The following NFKBIZ variants were observed in gnomAD, a reference collection of about 807,000 sequenced individuals.
The protein encoded by NFKBIZ is NFKB inhibitor zeta.
Under a neutral mutation model 76.8 loss-of-function variants are expected in NFKBIZ, and 19 were observed. The ratio of observed to expected loss-of-function variants is 0.25; its 90% CI spans 0.17 to 0.36. The LOEUF (loss-of-function observed/expected upper bound fraction) is 0.36. Among genes scored for constraint, NFKBIZ ranks in the 10% least tolerant of loss-of-function variants. NFKBIZ has a pLI of 1.00. For missense variants in NFKBIZ, 829 were observed against 910.9 expected, an observed-to-expected ratio of 0.91 and a Z score of 1.16; for synonymous variants, 368 against 354.8, an observed-to-expected ratio of 1.04 and a Z score of -0.42.
chr3:101,843,393 T>C (rs908133072), intron 2 of NFKBIZ, among the ~76,000 whole-genome samples: 10 of 152,160 alleles, frequency 6.6e-5, no homozygotes, highest in African/African-American at 2.4e-4. Flanking sequence ...CAATGAGCTA[T>C]AATCATGCCA....
At chr3:101,857,520 A>G in intron 11 of NFKBIZ, 61 bp downstream of exon 11, 1 of 1,604,480 alleles carries the variant, frequency 6.2e-7, no homozygotes, top group Non-Finnish European at 8.5e-7. Flanking sequence ...ACAGAAAGGG[A>G]GATGAGGCTG....
At chr3:101,854,423 A>T (rs571054658) in intron 5 of NFKBIZ, among the ~76,000 whole-genome samples, 155 bp from the exon 6 acceptor site, 2 of 152,268 alleles carry the variant, frequency 1.3e-5, no homozygotes, top group South Asian at 2.1e-4. Context: ...TGTATTATCA[A>T]TGTAGCAGAA....
chr3:101,829,763 G>A (rs906577719), intron 2 of NFKBIZ: 1 of 152,122 alleles, frequency 6.6e-6, no homozygotes, highest in African/African-American at 2.4e-5. Flanking sequence ...AAAAAGGGCA[G>A]TGGGATTTTT....
intron 2 of NFKBIZ, among the ~76,000 whole-genome samples, chr3:101,832,266 T>C (rs1253555846): frequency 6.6e-6 from 1 of 152,096 alleles, no homozygotes; most frequent in African/African-American, 2.4e-5. Flanking sequence ...GCTTTATTGA[T>C]TATATCCTTA....
rs141107730 is a variant in NFKBIZ at position 101,857,589 on chromosome 3, C to T, written c.2103+130C>T. The T allele has an allele frequency of 1.1e-3, 1,635 of 1,474,238 alleles. 18 individuals carry two copies. The African/African-American group carries it at 0.02, about 18-fold the overall frequency. The allele number at this position is 1,474,238 out of a possible 1,614,324, so 91.3% of individuals were successfully genotyped here. A position where few individuals can be genotyped will look rare whatever the true frequency, so the allele number is the denominator to read the frequency against. ...GGACTCTATCAGTGTCTGTGTCTCA[C>T]GGTAGCTGTCATAGCATTGTGGAGT... On this transcript the variant is annotated intron_variant, in intron 11 of 11. Transcript: ENST00000326172.
intron 2 of NFKBIZ, among the ~76,000 whole-genome samples, chr3:101,840,041 A>G (rs1942768605): frequency 2.0e-5 from 3 of 152,174 alleles, no homozygotes; most frequent in Non-Finnish European, 2.9e-5. Flanking sequence ...TGGGATTAGA[A>G]GATACTTTTT....
At chr3:101,858,445 C>T (rs1196147303) in intron 11 of NFKBIZ, 2 of 985,148 alleles carry the variant, frequency 2.0e-6, no homozygotes, top group Non-Finnish European at 2.4e-6. Flanking sequence ...AAGGCAGAGT[C>T]CTAAGCCCAG....
At position 101,849,632 on chromosome 3, in the gene NFKBIZ, A is replaced by G. The variant is rs757029283; in HGVS notation, c.4A>G (p.Ile2Val). Reference sequence around the variant, plus strand: ...CTCGAGCGCCCAGCCTGGGAGCATGATTGTGGACAAGCTGCTGGACGACAG... The same window carrying G: ...CTCGAGCGCCCAGCCTGGGAGCATGGTTGTGGACAAGCTGCTGGACGACAG... M[I>V]VDKLLDDSRG... The change falls in exon 1 of 12, where the codon ATT (isoleucine) becomes GTT (valine). Residue 2 changes from isoleucine (I) to valine (V), a missense_variant. Coordinates refer to ENST00000326172, the MANE Select transcript of NFKBIZ (RefSeq NM_031419.4). The G allele has an allele frequency of 7.3e-7, 1 of 1,374,054 alleles. No individual in the cohort carries two copies. The highest frequency in any genetic ancestry group is 9.3e-7 in the Non-Finnish European group (1 of 1,072,296). 85.1% of individuals were successfully genotyped at this position (1,374,054 alleles called of 1,614,324 possible). A position where few individuals can be genotyped will look rare whatever the true frequency, so the allele number is the denominator to read the frequency against.
At chr3:101,851,385 AAC>A (rs1428689048) in intron 1 of NFKBIZ, among the ~76,000 whole-genome samples, 12 of 152,244 alleles carry the variant, frequency 7.9e-5, no homozygotes, top group Admixed American at 6.5e-4. Context: ...TAATTCCAAA[AAC>A]AGTCAATGAG....
At position 101,857,292 on chromosome 3, in the gene NFKBIZ, G is replaced by C; in HGVS notation, c.1936G>C (p.Ala646Pro). 6.2e-7 allele frequency: 1 copy of C among 1,614,068 alleles called. No homozygotes were observed. Among genetic ancestry groups the C allele is most frequent in the Non-Finnish European group, 8.5e-7 (1 of 1,180,016 alleles). Reference sequence around the variant, plus strand: ...TGATAATTCATTTCTTTGTCTTCAGGCTTACAATGGCAACACTGCCCTCCA... The same window carrying C: ...TGATAATTCATTTCTTTGTCTTCAGCCTTACAATGGCAACACTGCCCTCCA... The part of the protein sequence containing the change: ...PSCLSFVNAK[A>P]YNGNTALHVA... The change falls in exon 11 of 12, where the codon GCT (alanine) becomes CCT (proline). Residue 646 changes from alanine to proline, a missense_variant and splice_region_variant. By Grantham distance (27) the Ala-to-Pro change is conservative. This residue lies in a region of NFKBIZ where 272 missense variants were observed against 384.2 expected (regional missense o/e 0.71). Coordinates refer to ENST00000326172, the MANE Select transcript of NFKBIZ (RefSeq NM_031419.4).
At chr3:101,841,783 G>A (rs1449736876) in intron 2 of NFKBIZ, among the ~76,000 whole-genome samples, 3 of 152,124 alleles carry the variant, frequency 2.0e-5, no homozygotes, top group Admixed American at 1.3e-4. Flanking sequence ...AAGGCAGCTG[G>A]GTTTTTATAT....
chr3:101,844,294 T>C (rs1349611838), intron 2 of NFKBIZ, among the ~76,000 whole-genome samples: 1 of 152,266 alleles, frequency 6.6e-6, no homozygotes, highest in African/African-American at 2.4e-5. Context: ...ATTAAAATGA[T>C]GTATACAAGA....
intron 10 of NFKBIZ, 54 bp from the exon 11 acceptor site, chr3:101,857,238 T>A: frequency 6.2e-7 from 1 of 1,610,180 alleles, no homozygotes; most frequent in Non-Finnish European, 8.5e-7. Flanking sequence ...TTTGAGCTCC[T>A]TTCATGAAAT....
intron 1 of NFKBIZ, chr3:101,850,551 C>T (rs533325117): frequency 3.9e-5 from 6 of 152,296 alleles, no homozygotes; most frequent in South Asian, 2.1e-4. Context: ...TAAGCCATAT[C>T]TAGCAGAGAA....
chr3:101,845,876 T>A (rs1205707995), upstream of NFKBIZ, among the ~76,000 whole-genome samples: 1 of 152,212 alleles, frequency 6.6e-6, no homozygotes, highest in Non-Finnish European at 1.5e-5. Flanking sequence ...TCTTTAGATG[T>A]AGACAGTACC....
At chr3:101,855,590 G>A in intron 8 of NFKBIZ, 132 bp downstream of exon 8, 1 of 1,243,408 alleles carries the variant, frequency 8.0e-7, no homozygotes, top group Non-Finnish European at 1.1e-6. Context: ...CCCAAAAAGA[G>A]ACAATATTCA....
upstream of NFKBIZ, among the ~76,000 whole-genome samples, chr3:101,846,780 T>C (rs917286483): frequency 1.3e-4 from 20 of 152,102 alleles, no homozygotes; most frequent in African/African-American, 4.3e-4. Context: ...ACAGAACCAA[T>C]AGGGTACATA....
chr3:101,852,326 A>G (rs1190695860), intron 2 of NFKBIZ, 102 bp downstream of exon 2: 3 of 1,399,858 alleles, frequency 2.1e-6, no homozygotes, highest in Non-Finnish European at 2.9e-6. Flanking sequence ...AAGTCACTTG[A>G]AATTTTTCAT....
rs1019078134 is a variant in NFKBIZ, at chr3:101,859,490, A to G, written c.*119A>G. 10 of 736,480 alleles carry G rather than the reference A, an allele frequency of 1.4e-5. No homozygotes were observed. The highest frequency in any genetic ancestry group is 2.1e-5 in the Non-Finnish European group (9 of 421,876). The allele number at this position is 736,480 out of a possible 1,614,324, so 45.6% of individuals were successfully genotyped here. A position where few individuals can be genotyped will look rare whatever the true frequency, so the allele number is the denominator to read the frequency against. The stretch of plus-strand genomic sequence containing the variant: ...TGTAAGTTGTTTCTATGAAACAAAC[A>G]TATTTAGTTCACTATTATATAGTGG... On this transcript the variant is annotated 3_prime_UTR_variant, in exon 12 of 12. Transcript: ENST00000326172.
Sources: gnomAD v4.1 joint callset for allele counts (sites outside exome capture counted in the v4.1 genomes callset) on GRCh38, gnomAD v4.1.1 for gene constraint, gnomAD v4.1.1 regional missense constraint, MANE v1.5 for transcripts, NCBI Gene and HGNC (gene_info 2026-07-23, HGNC 2026-07-21) for gene names.